GAREM1: variants seen among roughly 807,000 people sequenced by gnomAD.
The protein encoded by GAREM1 is GRB2-associated and regulator of MAPK protein 1.
A neutral mutation model predicts 71.3 loss-of-function variants in GAREM1; 26 were observed. That is an observed-to-expected ratio of 0.36 (90% CI 0.27 to 0.51). GAREM1 has a LOEUF of 0.51. GAREM1 is among the 20% of genes least tolerant of loss of function. GAREM1 has a pLI of 0.95. For missense variants in GAREM1, 1,026 were observed against 1,103.1 expected (o/e 0.93, Z 0.99); for synonymous variants, 440 against 433.2 (o/e 1.02, Z -0.20).
chr18:32,419,042 G>T (rs2048494935), intron 1 of GAREM1, among the ~76,000 whole-genome samples: 1 of 152,154 alleles, frequency 6.6e-6, no homozygotes, highest in Admixed American at 6.6e-5. Flanking sequence ...ATTCTTGTTG[G>T]AAGAATTCAG....
At chr18:32,283,766 T>C (rs944672426) in intron 4 of GAREM1, among the ~76,000 whole-genome samples, 8 of 152,268 alleles carry the variant, frequency 5.3e-5, no homozygotes, top group African/African-American at 1.9e-4. Flanking sequence ...CACGATGTAG[T>C]TTCCCTGTTT....
At chr18:32,411,489 ATTTC>A (rs1309591048) in intron 1 of GAREM1, among the ~76,000 whole-genome samples, 4 of 152,066 alleles carry the variant, frequency 2.6e-5, no homozygotes, top group Non-Finnish European at 5.9e-5. Context: ...TCAGAAAAAT[ATTTC>A]TTTTTTTTTT....
intron 2 of GAREM1, among the ~76,000 whole-genome samples, chr18:32,365,677 T>C (rs1255324541): frequency 6.6e-6 from 1 of 152,182 alleles, no homozygotes; most frequent in Non-Finnish European, 1.5e-5. Context: ...GGATTTGCCC[T>C]GCTTCACACT....
intron 2 of GAREM1, among the ~76,000 whole-genome samples, chr18:32,336,394 C>T (rs1238339592): frequency 6.9e-6 from 1 of 145,400 alleles, no homozygotes; most frequent in African/African-American, 2.6e-5. Context: ...CGCGCCACTG[C>T]ACTCCAGCCT....
intron 2 of GAREM1, among the ~76,000 whole-genome samples, chr18:32,392,041 G>T (rs1382457069): frequency 6.6e-6 from 1 of 152,036 alleles, no homozygotes; most frequent in Non-Finnish European, 1.5e-5. Flanking sequence ...ATTGTAAAGG[G>T]GTTATTCGAG....
chr18:32,347,710 C>T (rs913095461), intron 2 of GAREM1, among the ~76,000 whole-genome samples: 6 of 152,160 alleles, frequency 3.9e-5, no homozygotes, highest in Non-Finnish European at 8.8e-5. Flanking sequence ...AAAACATTTA[C>T]TTATTTTATA....
chr18:32,381,348 C>G (rs1389070148), intron 2 of GAREM1, among the ~76,000 whole-genome samples: 1 of 152,046 alleles, frequency 6.6e-6, no homozygotes, highest in African/African-American at 2.4e-5. Flanking sequence ...TAGGAAGAAC[C>G]TGAAAAATTC....
intron 1 of GAREM1, among the ~76,000 whole-genome samples, chr18:32,468,767 G>T (rs544438116): frequency 6.6e-6 from 1 of 152,272 alleles, no homozygotes; most frequent in Admixed American, 6.5e-5. Context: ...AAATGTGGCA[G>T]TGTGCAGAGA....
chr18:32,326,963 AAAAGTAC>A (rs1424400168), intron 2 of GAREM1, among the ~76,000 whole-genome samples: 29 of 152,236 alleles, frequency 1.9e-4, no homozygotes, highest in African/African-American at 7.0e-4. Context: ...GCTGGAGAGA[AAAAGTAC>A]TTTTAGAGAG....
At chr18:32,323,583 C>A (rs1201018494) in intron 2 of GAREM1, among the ~76,000 whole-genome samples, 1 of 152,130 alleles carries the variant, frequency 6.6e-6, no homozygotes, top group African/African-American at 2.4e-5. Flanking sequence ...GTGGTGTGCA[C>A]CTGTAATCCC....
intron 2 of GAREM1, among the ~76,000 whole-genome samples, chr18:32,337,288 T>C (rs372469284): frequency 2.6e-5 from 4 of 152,190 alleles, no homozygotes; most frequent in Admixed American, 6.5e-5. Flanking sequence ...GAAAGACCAA[T>C]TGGAGCTTTG....
chr18:32,290,691 TTAAC>T (rs1446911188), intron 3 of GAREM1, among the ~76,000 whole-genome samples: 1 of 144,032 alleles, frequency 6.9e-6, no homozygotes, highest in Non-Finnish European at 1.5e-5. Context: ...GAAAAATCAA[TTAAC>T]TAACAAGATG....
intron 2 of GAREM1, among the ~76,000 whole-genome samples, chr18:32,348,740 AAATC>A: frequency 6.6e-6 from 1 of 152,172 alleles, no homozygotes; most frequent in East Asian, 1.9e-4. Flanking sequence ...ATAAATAAAT[AAATC>A]AAGAAAATTC....
intron 2 of GAREM1, among the ~76,000 whole-genome samples, chr18:32,362,959 AT>A (rs1350168803): frequency 6.6e-6 from 1 of 152,232 alleles, no homozygotes; most frequent in Non-Finnish European, 1.5e-5. Flanking sequence ...TATGTCAAGT[AT>A]ATAATTTAAT....
intron 1 of GAREM1, among the ~76,000 whole-genome samples, chr18:32,455,404 T>C (rs936503993): frequency 6.6e-6 from 1 of 152,128 alleles, no homozygotes; most frequent in Non-Finnish European, 1.5e-5. Context: ...CATGTGAAAG[T>C]TGCCCCTCCT....
At chr18:32,457,579 C>T (rs543131617) in intron 1 of GAREM1, among the ~76,000 whole-genome samples, 43 of 152,008 alleles carry the variant, frequency 2.8e-4, no homozygotes, top group African/African-American at 9.6e-4. Context: ...GAGTAAAATT[C>T]ACAGTCTACC....
intron 2 of GAREM1, among the ~76,000 whole-genome samples, chr18:32,312,147 AC>A (rs1208436792): frequency 6.6e-6 from 1 of 152,190 alleles, no homozygotes; most frequent in Non-Finnish European, 1.5e-5. Flanking sequence ...AAGTTCTTAG[AC>A]ACCGAAGTGT....
chr18:32,412,958 A>G, intron 1 of GAREM1: 2 of 1,283,468 alleles, frequency 1.6e-6, no homozygotes, highest in Non-Finnish European at 1.1e-6. Flanking sequence ...GTGGCCTTGC[A>G]TTCATAGCTG....
rs868553006 is a variant in GAREM1 at position 32,364,014 on chromosome 18, A to T, written c.262+28881T>A. Reference sequence around the variant, plus strand: ...TATATACATATATATATATATATATATATATATATATATGTTTTTTTTTTT... The same window carrying T: ...TATATACATATATATATATATATATTTATATATATATATGTTTTTTTTTTT... On this transcript the variant is annotated intron_variant, in intron 2 of 5. Transcript: ENST00000269209. Among the ~76,000 whole-genome samples the T allele has an allele frequency of 3.2e-3, 160 of 50,658 alleles. 6 individuals carry two copies. Among genetic ancestry groups the T allele is most frequent in the African/African-American group, 0.013 (110 of 8,630 alleles). 33.2% of individuals were successfully genotyped at this position (50,658 alleles called of 152,430 possible).
Sources: allele counts gnomAD v4.1 joint callset (sites outside exome capture counted in the v4.1 genomes callset), GRCh38; gene constraint gnomAD v4.1.1; transcripts MANE v1.5; gene names NCBI Gene and HGNC (gene_info 2026-07-23, HGNC 2026-07-21).